The following MYO19 variants were observed in gnomAD, a reference collection of about 807,000 sequenced individuals.
The protein encoded by MYO19 is unconventional myosin-XIX.
MYO19 carries 132 observed loss-of-function variants against 129.2 expected under a neutral mutation model. The ratio of observed to expected loss-of-function variants is 1.02; its 90% confidence interval spans 0.89 to 1.18. The LOEUF is 1.18. MYO19 is among the 50% of genes most tolerant of loss of function. The pLI is 0.00. For missense variants in MYO19, 1,210 were observed against 1,216.7 expected (o/e 0.99, Z 0.08); for synonymous variants, 531 against 477.2 (o/e 1.11, Z -1.47).
intron 6 of MYO19, among the ~76,000 whole-genome samples, chr17:36,517,780 G>A (rs750734056): frequency 2.3e-4 from 35 of 151,986 alleles, no homozygotes; most frequent in Non-Finnish European, 3.7e-4. Context: ...ATCTTCGGGA[G>A]GTAATTAAGA....
At chr17:36,526,155 G>A (rs772768672) in intron 5 of MYO19, among the ~76,000 whole-genome samples, 14 of 152,088 alleles carry the variant, frequency 9.2e-5, no homozygotes, top group Non-Finnish European at 1.5e-4. Flanking sequence ...TCACCTGGAG[G>A]GATACAAAGC....
At chr17:36,514,684 G>A in intron 8 of MYO19, 136 bp from the exon 9 acceptor site, 2 of 646,330 alleles carry the variant, frequency 3.1e-6, no homozygotes, top group Non-Finnish European at 5.6e-6. Context: ...GGGCACTGAG[G>A]GGTGGGGACC....
chr17:36,512,251 G>A (rs2072397401), intron 11 of MYO19, among the ~76,000 whole-genome samples: 1 of 147,722 alleles, frequency 6.8e-6, no homozygotes, highest in African/African-American at 2.5e-5. Flanking sequence ...TTAGCTGGGT[G>A]TGGTGGCACA....
chr17:36,495,645 A>G lies in MYO19; in HGVS notation c.*606T>C. ...CTTGACATTCAGATGATTGTTTTTA[A>G]ATGTTTTACTTTTGGTACAGTTGAT... On this transcript the variant is annotated 3_prime_UTR_variant, in exon 26 of 26. Transcript: ENST00000614623. 1 of 1,289,134 alleles carries G rather than the reference A, an allele frequency of 7.8e-7. No individual in the cohort carries two copies. Among genetic ancestry groups the G allele is most frequent in the Non-Finnish European group, 9.8e-7 (1 of 1,021,784 alleles). 79.9% of individuals were successfully genotyped at this position (1,289,134 alleles called of 1,614,324 possible). A position where few individuals can be genotyped will look rare whatever the true frequency, so the allele number is the denominator to read the frequency against.
chr17:36,515,678 C>T (rs1204389498), intron 7 of MYO19, among the ~76,000 whole-genome samples, 180 bp downstream of exon 7: 2 of 152,168 alleles, frequency 1.3e-5, no homozygotes, highest in African/African-American at 4.8e-5. Context: ...ATGACATGAC[C>T]TCTGTTAGAA....
Position 36,508,015 on chromosome 17 carries a change from A to C in MYO19, c.1232-91T>G, listed in dbSNP as rs554354563. 7 of 1,402,372 alleles carry C rather than the reference A, an allele frequency of 5.0e-6. No homozygotes were observed. The African/African-American group carries it at 5.8e-5, about 12-fold the overall frequency. 86.9% of individuals were successfully genotyped at this position (1,402,372 alleles called of 1,614,324 possible). A position where few individuals can be genotyped will look rare whatever the true frequency, so the allele number is the denominator to read the frequency against. On this transcript the variant is annotated intron_variant, in intron 14 of 25. Coordinates refer to ENST00000614623, the MANE Select transcript of MYO19 (RefSeq NM_001163735.2). ...AACCCAGGGTGGCTGGGCCCCTGCC[A>C]ATGCCTTATACTTGGCAGCCTGGGC... is the stretch of plus-strand genomic sequence containing the variant.
intron 6 of MYO19, among the ~76,000 whole-genome samples, chr17:36,520,951 C>A (rs1298338041): frequency 6.6e-6 from 1 of 152,164 alleles, no homozygotes; most frequent in Non-Finnish European, 1.5e-5. Flanking sequence ...ATGCAATTTT[C>A]TTTGTTTTTC....
chr17:36,504,376 G>T (rs2071738675), intron 19 of MYO19: 3 of 239,188 alleles, frequency 1.3e-5, no homozygotes, highest in African/African-American at 2.3e-5. Context: ...ACTGTCTGCA[G>T]GCATTAGAGG....
At chr17:36,520,515 T>C (rs1193794877) in intron 6 of MYO19, among the ~76,000 whole-genome samples, 2 of 152,182 alleles carry the variant, frequency 1.3e-5, no homozygotes, top group African/African-American at 2.4e-5. Flanking sequence ...GGTCCACTTA[T>C]ACGTGGGTTT....
intron 6 of MYO19, among the ~76,000 whole-genome samples, chr17:36,518,498 A>G (rs2072906558): frequency 9.1e-5 from 2 of 21,896 alleles, no homozygotes; most frequent in Admixed American, 4.0e-4. Context: ...GGAAAAAAAA[A>G]AAAAAAAAAA....
chr17:36,522,345 T>C (rs1326840566), intron 6 of MYO19, among the ~76,000 whole-genome samples: 1 of 147,840 alleles, frequency 6.8e-6, no homozygotes, highest in East Asian at 2.1e-4. Context: ...CCGTCTCTAC[T>C]AAAAATACAA....
chr17:36,501,420 G>A (rs1266871887), intron 21 of MYO19, 185 bp from the exon 22 acceptor site: 1 of 613,788 alleles, frequency 1.6e-6, no homozygotes, highest in East Asian at 2.9e-5. Context: ...GTCCCTCAGG[G>A]TGCTAGCTGT....
chr17:36,533,730 A>G (rs969869930), intron 2 of MYO19: 3 of 152,330 alleles, frequency 2.0e-5, no homozygotes, highest in Admixed American at 6.5e-5. Context: ...TCCAAGGGAC[A>G]GCCATGCAGA....
At chr17:36,509,724 T>TA (rs1432846388) in intron 13 of MYO19, 2 of 152,832 alleles carry the variant, frequency 1.3e-5, no homozygotes, top group African/African-American at 4.8e-5. Context: ...CATTTTTTCT[T>TA]AAAGTAATTG....
At chr17:36,496,471 C>T (rs906697378) in intron 25 of MYO19, 65 bp from the exon 26 acceptor site, 7 of 1,533,674 alleles carry the variant, frequency 4.6e-6, no homozygotes, top group Middle Eastern at 3.4e-4. Flanking sequence ...CTAACAACCC[C>T]ACAGAGCAGA....
At chr17:36,535,516 T>G (rs1024239837), upstream of MYO19, 3 of 152,142 alleles carry the variant, frequency 2.0e-5, no homozygotes, top group East Asian at 3.9e-4. Context: ...GGTTCCCGCG[T>G]GGTTTGGCGG....
intron 16 of MYO19, 102 bp downstream of exon 16, chr17:36,507,297 A>AT: frequency 7.0e-7 from 1 of 1,426,526 alleles, no homozygotes; most frequent in Non-Finnish European, 9.7e-7. Flanking sequence ...TATTTGGCAG[A>AT]CTGGGAGGAG....
chr17:36,537,237 T>G (rs1348080877), upstream of MYO19: 7 of 1,614,182 alleles, frequency 4.3e-6, no homozygotes, highest in Non-Finnish European at 5.9e-6. Context: ...CTCACAGTAC[T>G]TGTGTTCTTT....
intron 7 of MYO19, among the ~76,000 whole-genome samples, chr17:36,515,583 G>C (rs1400844367): frequency 6.6e-6 from 1 of 152,186 alleles, no homozygotes; most frequent in Non-Finnish European, 1.5e-5. Context: ...TGGATAGAAA[G>C]ACAGAATTTG....
Sources: gnomAD v4.1 joint callset for allele counts (sites outside exome capture counted in the v4.1 genomes callset) on GRCh38, gnomAD v4.1.1 for gene constraint, MANE v1.5 for transcripts, NCBI Gene and HGNC (gene_info 2026-07-23, HGNC 2026-07-21) for gene names.